The following CALN1 variants were observed in gnomAD, a reference collection of about 807,000 sequenced individuals.
CALN1 encodes calneuron 1, also known as calcium-binding protein 8.
Under a neutral mutation model 30.6 loss-of-function variants are expected in CALN1, and 17 were observed. The observed-to-expected ratio is 0.56, with a 90% CI of 0.38 to 0.83. The LOEUF (loss-of-function observed/expected upper bound fraction) is 0.83, where lower values mean the gene tolerates loss of function less well. CALN1 is among the 40% of genes least tolerant of loss of function. The pLI, the probability that CALN1 is intolerant of heterozygous loss-of-function variation, is 0.00. For synonymous variants in CALN1, 156 were observed against 131.4 expected (o/e 1.19, Z -1.28); for missense variants, 291 against 354.9 (o/e 0.82, Z 1.45).
At chr7:72,171,635 C>T (rs115970569) in intron 3 of CALN1, among the ~76,000 whole-genome samples, 93 of 152,150 alleles carry the variant, frequency 6.1e-4, no homozygotes, top group African/African-American at 2.1e-3. Flanking sequence ...AGGCCCACAT[C>T]CAGGACTAAC....
chr7:72,247,046 G>C (rs1159922482), intron 3 of CALN1, among the ~76,000 whole-genome samples: 2 of 151,726 alleles, frequency 1.3e-5, no homozygotes, highest in Non-Finnish European at 2.9e-5. Context: ...GAGCCACTGT[G>C]CCCGGCCAGC....
the CALN1 span, among the ~76,000 whole-genome samples, chr7:72,487,033 T>C: frequency 1.5e-4 from 23 of 152,270 alleles, no homozygotes; most frequent in East Asian, 2.7e-3. Flanking sequence ...TCATCGTCGA[T>C]GTGGATGTAT....
intron 6 of CALN1, among the ~76,000 whole-genome samples, chr7:71,794,357 G>A (rs572503552): frequency 6.6e-6 from 1 of 152,050 alleles, no homozygotes; most frequent in Non-Finnish European, 1.5e-5. Flanking sequence ...ATTATTGAAG[G>A]TTATCATACA....
At chr7:71,922,511 AAT>A (rs1038600932) in intron 5 of CALN1, among the ~76,000 whole-genome samples, 6 of 144,254 alleles carry the variant, frequency 4.2e-5, no homozygotes, top group Admixed American at 7.2e-5. Flanking sequence ...ATAAATACAC[AAT>A]ATATAACACA....
At chr7:71,889,000 T>C (rs1287987414) in intron 5 of CALN1, among the ~76,000 whole-genome samples, 2 of 152,106 alleles carry the variant, frequency 1.3e-5, no homozygotes, top group East Asian at 3.9e-4. Flanking sequence ...TCAGGAAAGG[T>C]AGGAACAACT....
intron 5 of CALN1, among the ~76,000 whole-genome samples, chr7:71,979,324 T>A (rs569769711): frequency 3.7e-4 from 57 of 152,238 alleles, no homozygotes; most frequent in African/African-American, 1.3e-3. Flanking sequence ...CAATTATACA[T>A]CTCATCATAA....
intron 5 of CALN1, among the ~76,000 whole-genome samples, chr7:71,875,686 A>C (rs1021604597): frequency 6.6e-6 from 1 of 152,126 alleles, no homozygotes; most frequent in African/African-American, 2.4e-5. Flanking sequence ...GGTGAATAAG[A>C]AGCCACCTGT....
intron 2 of CALN1, among the ~76,000 whole-genome samples, chr7:72,399,614 T>C (rs954095530): frequency 6.6e-6 from 1 of 152,058 alleles, no homozygotes; most frequent in Non-Finnish European, 1.5e-5. Flanking sequence ...CTAATTTGAG[T>C]CTTGTAGGGA....
chr7:72,330,639 C>T (rs2129558047), intron 2 of CALN1, among the ~76,000 whole-genome samples: 1 of 152,298 alleles, frequency 6.6e-6, no homozygotes, highest in Non-Finnish European at 1.5e-5. Context: ...TCATTTTCCC[C>T]AGTACCTGAA....
At chr7:71,897,972 C>CAAAAAAAAAAAAAA (rs1207497270) in intron 5 of CALN1, among the ~76,000 whole-genome samples, 4 of 59,044 alleles carry the variant, frequency 6.8e-5, no homozygotes, top group Middle Eastern at 0.019. Context: ...AAACAAAAAA[C>CAAAAAAAAAAAAAA]AAAAAAAAAA....
chr7:72,196,310 G>A (rs73141579), intron 3 of CALN1, among the ~76,000 whole-genome samples: 2,543 of 152,186 alleles, frequency 0.017, 43 homozygotes, highest in South Asian at 0.066. Context: ...CTAGAAATGC[G>A]GTTTCGCCAT....
At chr7:72,163,601 A>G (rs183632066) in intron 3 of CALN1, among the ~76,000 whole-genome samples, 243 of 152,250 alleles carry the variant, frequency 1.6e-3, no homozygotes, top group Admixed American at 2.6e-3. Context: ...ATTACAATGA[A>G]CCGAATAAAA....
At chr7:72,255,068 G>C (rs1342784402) in intron 3 of CALN1, among the ~76,000 whole-genome samples, 1 of 151,314 alleles carries the variant, frequency 6.6e-6, no homozygotes, top group African/African-American at 2.4e-5. Flanking sequence ...TGGAATTACA[G>C]GCATGAGCCA....
intron 3 of CALN1, among the ~76,000 whole-genome samples, chr7:72,183,239 A>G (rs1585111682): frequency 1.3e-5 from 2 of 152,156 alleles, no homozygotes; most frequent in East Asian, 3.9e-4. Flanking sequence ...AATTTTTTGT[A>G]TTTTTAGTAG....
At chr7:71,865,207 G>A (rs548245828) in intron 5 of CALN1, among the ~76,000 whole-genome samples, 7 of 152,286 alleles carry the variant, frequency 4.6e-5, no homozygotes, top group South Asian at 2.1e-4. Context: ...TACTTGGATC[G>A]TGGGGGTGGT....
At chr7:71,898,261 C>A (rs146176589) in intron 5 of CALN1, among the ~76,000 whole-genome samples, 13,004 of 152,014 alleles carry the variant, frequency 0.086, 939 homozygotes, top group East Asian at 0.42. Flanking sequence ...ACCCAGGAGG[C>A]AGAGGTTGCA....
At chr7:72,398,745 C>T (rs1806138591) in intron 2 of CALN1, among the ~76,000 whole-genome samples, 1 of 152,214 alleles carries the variant, frequency 6.6e-6, no homozygotes, top group Non-Finnish European at 1.5e-5. Flanking sequence ...CCCCATTATC[C>T]CAAATACATA....
chr7:71,981,045 C>CT (rs1351420218), intron 5 of CALN1, among the ~76,000 whole-genome samples: 1 of 152,128 alleles, frequency 6.6e-6, no homozygotes, highest in Non-Finnish European at 1.5e-5. Context: ...GGCTCCCTGG[C>CT]TAAGACTACA....
chr7:71,929,848 G>A (rs12673497), intron 5 of CALN1, among the ~76,000 whole-genome samples: 27,593 of 152,132 alleles, frequency 0.18, 2,844 homozygotes, highest in East Asian at 0.54. Context: ...TGCATTCACA[G>A]CAGCAATGGA....
Sources: gnomAD v4.1 joint callset for allele counts (sites outside exome capture counted in the v4.1 genomes callset) on GRCh38, gnomAD v4.1.1 for gene constraint, MANE v1.5 for transcripts, NCBI Gene and HGNC (gene_info 2026-07-23, HGNC 2026-07-21) for gene names.